Variants in GIPC2 observed in about 807,000 individuals in gnomAD.
GIPC2 encodes PDZ domain-containing protein GIPC2.
GIPC2 carries 30 observed loss-of-function variants against 30.6 expected under a neutral mutation model. That is an observed-to-expected ratio of 0.98 (90% CI 0.73 to 1.33). The LOEUF is 1.33. GIPC2 is among the 40% of genes most tolerant of loss of function. The pLI, the probability that GIPC2 is intolerant of heterozygous loss-of-function variation, is 0.00. For synonymous variants in GIPC2, 167 were observed against 150.0 expected, an observed-to-expected ratio of 1.11 and a Z score of -0.83; for missense variants, 414 against 390.3, an observed-to-expected ratio of 1.06 and a Z score of -0.51.
rs748678960 is a variant in GIPC2 at position 78,080,695 on chromosome 1, CA to C, written c.262del (p.Thr88HisfsTer10). The C allele has an allele frequency of 1.2e-6, 2 of 1,603,168 alleles. No individual in the cohort carries two copies. The highest frequency in any genetic ancestry group is 2.7e-5 in the African/African-American group (2 of 74,574). On this transcript the variant is annotated frameshift_variant, in exon 2 of 6. Coordinates refer to ENST00000370759, the MANE Select transcript of GIPC2 (RefSeq NM_017655.6). LOFTEE classifies it high-confidence loss of function. Reference protein sequence around the residue: ...PSEILYCTLNTPKIDMERLLG... With the variant: ...PSEILYCTLNXPKIDMERLLG... ...TGCAGATCTTATATTGCACTTTAAA[CA>C]CACCTAAAATTGACATGGAAAGACT...
At chr1:78,134,656 T>C (rs548748573) in intron 5 of GIPC2, among the ~76,000 whole-genome samples, 1 of 152,304 alleles carries the variant, frequency 6.6e-6, no homozygotes, top group South Asian at 2.1e-4. Context: ...ACTGAACTGA[T>C]GGGAAGAGGC....
chr1:78,109,995 C>G (rs1662435501), intron 3 of GIPC2, among the ~76,000 whole-genome samples: 1 of 150,958 alleles, frequency 6.6e-6, no homozygotes, highest in Non-Finnish European at 1.5e-5. Flanking sequence ...AATGAGAACC[C>G]ATGGACACAG....
intron 1 of GIPC2, among the ~76,000 whole-genome samples, chr1:78,050,274 C>A (rs960965390): frequency 6.6e-6 from 1 of 152,148 alleles, no homozygotes; most frequent in African/African-American, 2.4e-5. Flanking sequence ...CCTGGAAAAA[C>A]GTCTTTTGTA....
chr1:78,067,951 G>T lies in GIPC2; in HGVS notation c.241-12724G>T, dbSNP rs1285641901. ...GTCCTTAGTCTAAACTACCTGCATG[G>T]ATTATTTTATAGTAACTAGCCCGGA... On this transcript the variant is annotated intron_variant, in intron 1 of 5. Coordinates refer to ENST00000370759, the MANE Select transcript of GIPC2 (RefSeq NM_017655.6). Among the ~76,000 whole-genome samples, 3 of 152,164 alleles carry T rather than the reference G, an allele frequency of 2.0e-5. No homozygotes were observed. The East Asian group carries it at 5.8e-4, about 29-fold the overall frequency.
chr1:78,107,964 A>G (rs957895194), intron 3 of GIPC2, among the ~76,000 whole-genome samples: 7 of 151,458 alleles, frequency 4.6e-5, no homozygotes, highest in Admixed American at 2.0e-4. Context: ...AAATAGTTCC[A>G]TGTGAGAAAT....
intron 2 of GIPC2, among the ~76,000 whole-genome samples, chr1:78,093,576 C>A (rs1466636599): frequency 6.6e-6 from 1 of 152,152 alleles, no homozygotes; most frequent in Non-Finnish European, 1.5e-5. Flanking sequence ...AAATGCTTAA[C>A]CTTCCTAAGT....
At chr1:78,126,958 G>A (rs1662794946) in intron 5 of GIPC2, among the ~76,000 whole-genome samples, 1 of 152,156 alleles carries the variant, frequency 6.6e-6, no homozygotes, top group Admixed American at 6.6e-5. Context: ...GGTCAAGAGT[G>A]TGAAAAAGGC....
chr1:78,115,254 T>C (rs374878670), intron 3 of GIPC2, among the ~76,000 whole-genome samples: 40 of 152,196 alleles, frequency 2.6e-4, no homozygotes, highest in African/African-American at 9.4e-4. Flanking sequence ...GAGACACTTT[T>C]TGAAAAGTCA....
chr1:78,127,933 C>T (rs1421019489), intron 5 of GIPC2, among the ~76,000 whole-genome samples: 1 of 152,110 alleles, frequency 6.6e-6, no homozygotes, highest in Non-Finnish European at 1.5e-5. Context: ...AAGTGATCCC[C>T]CTGTCTCGTC....
intron 1 of GIPC2, among the ~76,000 whole-genome samples, chr1:78,077,814 A>G (rs1021009799): frequency 5.3e-5 from 8 of 152,202 alleles, no homozygotes; most frequent in African/African-American, 1.9e-4. Context: ...AGCTCACAGT[A>G]GCTTCTTAAG....
chr1:78,078,704 T>C (rs187222007), intron 1 of GIPC2, among the ~76,000 whole-genome samples: 111 of 152,242 alleles, frequency 7.3e-4, no homozygotes, highest in African/African-American at 2.4e-3. Flanking sequence ...TGAGATTTCC[T>C]TTTTTTCCTT....
At position 78,136,737 on chromosome 1, in the gene GIPC2, A is replaced by C. The variant is rs1405017140; in HGVS notation, c.*994A>C. On this transcript the variant is annotated 3_prime_UTR_variant, in exon 6 of 6. Coordinates refer to ENST00000370759, the MANE Select transcript of GIPC2 (RefSeq NM_017655.6). The stretch of plus-strand genomic sequence containing the variant: ...GAGGAAGGGAGAATTGAGAAAATAT[A>C]TTAGTCTATTATTTTAGAGTTCTAA... 2 of 151,532 alleles carry C rather than the reference A, an allele frequency of 1.3e-5. No homozygotes were observed. Among genetic ancestry groups the C allele is most frequent in the African/African-American group, 4.8e-5 (2 of 41,256 alleles). 9.4% of individuals were successfully genotyped at this position (151,532 alleles called of 1,614,324 possible). A position where few individuals can be genotyped will look rare whatever the true frequency, so the allele number is the denominator to read the frequency against.
At chr1:78,060,974 G>T (rs916255698) in intron 1 of GIPC2, among the ~76,000 whole-genome samples, 2 of 151,988 alleles carry the variant, frequency 1.3e-5, no homozygotes, top group African/African-American at 4.8e-5. Context: ...AAGAACAGGA[G>T]TAGCCCTAAG....
At chr1:78,072,863 G>A (rs559014587) in intron 1 of GIPC2, among the ~76,000 whole-genome samples, 1 of 152,142 alleles carries the variant, frequency 6.6e-6, no homozygotes, top group South Asian at 2.1e-4. Context: ...GGAATGCAGT[G>A]GCATGATCTT....
rs760430564 is a variant in GIPC2, at chr1:78,046,153, T to C, written c.59T>C (p.Val20Ala). Residue 20 changes from valine to alanine, a missense_variant, in exon 1 of 6, where the codon GTG becomes GCG. Coordinates refer to ENST00000370759, the MANE Select transcript of GIPC2 (RefSeq NM_017655.6). ...AAGTCCAAGGAGACCGCCGGGCTGGTGGAGGGCGAGCCGACGGGCGCGGGC... is the reference window on the plus strand; with the variant it reads ...AAGTCCAAGGAGACCGCCGGGCTGGCGGAGGGCGAGCCGACGGGCGCGGGC... ...KAKSKETAGLVEGEPTGAGGG... is the reference protein window; with the variant it reads ...KAKSKETAGLAEGEPTGAGGG... The C allele has an allele frequency of 1.9e-6, 3 of 1,548,304 alleles. No individual in the cohort carries two copies. The South Asian group carries it at 3.6e-5, about 18-fold the overall frequency.
At chr1:78,116,419 A>G (rs1662567672) in intron 3 of GIPC2, among the ~76,000 whole-genome samples, 1 of 152,110 alleles carries the variant, frequency 6.6e-6, no homozygotes, top group Non-Finnish European at 1.5e-5. Flanking sequence ...GGTTTGTTAC[A>G]TATGTATACA....
At chr1:78,123,279 G>T (rs593210) in intron 4 of GIPC2, among the ~76,000 whole-genome samples, 1 of 134,268 alleles carries the variant, frequency 7.4e-6, no homozygotes, top group African/African-American at 3.0e-5. Flanking sequence ...AAAAAAAAAA[G>T]GGTCAGGAAG....
At chr1:78,125,783 AT>A in intron 4 of GIPC2, 97 bp from the exon 5 acceptor site, 1 of 680,450 alleles carries the variant, frequency 1.5e-6, no homozygotes. Context: ...GAAATACACA[AT>A]TATGAACCGG....
chr1:78,109,453 G>A (rs1266982646), intron 3 of GIPC2, among the ~76,000 whole-genome samples: 1 of 152,154 alleles, frequency 6.6e-6, no homozygotes, highest in Non-Finnish European at 1.5e-5. Context: ...TTCTAGGGTG[G>A]ACCTGCCTGG....
Sources: gnomAD v4.1 joint callset for allele counts (sites outside exome capture counted in the v4.1 genomes callset) on GRCh38, gnomAD v4.1.1 for gene constraint, MANE v1.5 for transcripts, NCBI Gene and HGNC (gene_info 2026-07-23, HGNC 2026-07-21) for gene names.